The following CACNA1C variants were observed in gnomAD, a reference collection of about 807,000 sequenced individuals.
CACNA1C encodes calcium voltage-gated channel subunit alpha1 C.
In CACNA1C, 30 loss-of-function variants were observed where a neutral mutation model predicts 229.0. That is an observed-to-expected ratio of 0.13 (90% confidence interval 0.10 to 0.18). CACNA1C has a LOEUF of 0.18. Among genes scored for constraint, CACNA1C ranks in the 10% least tolerant of loss-of-function variants. The pLI, the probability that CACNA1C is intolerant of heterozygous loss-of-function variation, is 1.00. For synonymous variants in CACNA1C, 1,114 were observed against 1,132.5 expected (o/e 0.98, Z 0.33); for missense variants, 1,658 against 2,845.0 (o/e 0.58, Z 9.49).
Position 2,585,852 on chromosome 12 carries a change from C to T in CACNA1C, c.2478C>T (p.Leu826=). ...PPATKINMDD[L]QPNENEDKSP... ...CTGTCTAGATCAACATGGATGACCT[C>T]CAGCCCAATGAAAATGAGGATAAGA... Residue 826 remains leucine, a synonymous_variant, in exon 18 of 47, where the codon CTC becomes CTT. Coordinates refer to ENST00000399655, the MANE Select transcript of CACNA1C (RefSeq NM_000719.7). The surrounding 1 kb of genome is among the most constrained non-coding windows in gnomAD (Gnocchi z 4.1). The T allele has an allele frequency of 6.2e-7, 1 of 1,609,202 alleles. No homozygotes were observed. The highest frequency in any genetic ancestry group is 8.5e-7 in the Non-Finnish European group (1 of 1,177,480).
chr12:2,441,803 A>G (rs535721221), intron 3 of CACNA1C, among the ~76,000 whole-genome samples: 3 of 151,986 alleles, frequency 2.0e-5, no homozygotes, highest in Non-Finnish European at 4.4e-5. Context: ...CTCTGTCCAC[A>G]CTCTGTCATA....
intron 1 of CACNA1C, among the ~76,000 whole-genome samples, chr12:2,065,373 GTCTCA>G (rs1256753992): frequency 2.3e-4 from 35 of 152,338 alleles, no homozygotes; most frequent in Admixed American, 4.6e-4. Context: ...AAAATGAACT[GTCTCA>G]TGCCAGTTGT....
chr12:2,056,051 C>T (rs111280980), intron 1 of CACNA1C, among the ~76,000 whole-genome samples: 1 of 152,214 alleles, frequency 6.6e-6, no homozygotes, highest in Non-Finnish European at 1.5e-5. Context: ...GTAATGGTGA[C>T]GAAACAAAGA....
chr12:2,632,603 G>T lies in CACNA1C; in HGVS notation c.3829-1694G>T, dbSNP rs1384746462. 1.3e-5 allele frequency among the ~76,000 whole-genome samples: 2 copies of T among 152,172 alleles called. No individual in the cohort carries two copies. The highest frequency in any genetic ancestry group is 2.9e-5 in the Non-Finnish European group (2 of 68,038). ...ACAAAATCCATAGCTACAGAATCAA[G>T]TGGTAAAGTCAGGATACTGGTCTTC... On this transcript the variant is annotated intron_variant, in intron 29 of 46. Coordinates refer to ENST00000399655, the MANE Select transcript of CACNA1C (RefSeq NM_000719.7). This position sits in a 1 kb window ranked among gnomAD's most constrained non-coding sequence, Gnocchi z 4.1.
chr12:2,512,259 G>A lies in CACNA1C; in HGVS notation c.1218-553G>A, dbSNP rs761946989. 1.2e-4 allele frequency among the ~76,000 whole-genome samples: 18 copies of A among 152,138 alleles called. No individual in the cohort carries two copies. The highest frequency in any genetic ancestry group is 2.0e-4 in the Admixed American group (3 of 15,270). Reference sequence around the variant, plus strand: ...CTGTGGCCGATCTCAAGCTACCAGCGAGACATCCCTGAAGCCAGAGTTGGG... The same window carrying A: ...CTGTGGCCGATCTCAAGCTACCAGCAAGACATCCCTGAAGCCAGAGTTGGG... On this transcript the variant is annotated intron_variant, in intron 8 of 46. Transcript: ENST00000399655. The surrounding 1 kb of genome is among the most constrained non-coding windows in gnomAD (Gnocchi z 4.3).
intron 3 of CACNA1C, among the ~76,000 whole-genome samples, chr12:2,399,773 C>T (rs2098650276): frequency 6.6e-6 from 1 of 152,186 alleles, no homozygotes; most frequent in Non-Finnish European, 1.5e-5. Context: ...GCCAGGGACC[C>T]CACTCTTTTC....
chr12:2,403,752 G>A lies in CACNA1C; in HGVS notation c.478-45224G>A, dbSNP rs1165305307. Among the ~76,000 whole-genome samples the A allele has an allele frequency of 3.3e-5, 5 of 152,062 alleles. No individual in the cohort carries two copies. Among genetic ancestry groups the A allele is most frequent in the African/African-American group, 7.2e-5 (3 of 41,412 alleles). ...ATCTCCCAGTGAGCCCCAGGTAGACGTCTGCCACATCACTCAGGGGCTGCG... is the reference window on the plus strand; with the variant it reads ...ATCTCCCAGTGAGCCCCAGGTAGACATCTGCCACATCACTCAGGGGCTGCG... On this transcript the variant is annotated intron_variant, in intron 3 of 46. Transcript: ENST00000399655. The surrounding 1 kb of genome is among the most constrained non-coding windows in gnomAD (Gnocchi z 4.1).
chr12:2,634,259 C>A, intron 29 of CACNA1C, 38 bp from the exon 30 acceptor site: 3 of 573,672 alleles, frequency 5.2e-6, no homozygotes, highest in Non-Finnish European at 2.3e-6. Context: ...CTTGTTGGTT[C>A]TTCTTCTCTC....
At position 2,517,905 on chromosome 12, in the gene CACNA1C, A is replaced by T. The variant is rs538691447; in HGVS notation, c.1390+4921A>T. 2.6e-5 allele frequency among the ~76,000 whole-genome samples: 4 copies of T among 152,380 alleles called. No homozygotes were observed. The East Asian group carries it at 5.8e-4, about 22-fold the overall frequency. On this transcript the variant is annotated intron_variant, in intron 9 of 46. Transcript: ENST00000399655. ...CTATTAAATATCCATCCTTACAGGA[A>T]TCTCTCTTTCATGTCATTAAGACAA...
At chr12:2,156,907 A>G (rs11062132) in intron 3 of CACNA1C, among the ~76,000 whole-genome samples, 15,535 of 152,238 alleles carry the variant, frequency 0.1, 2,375 homozygotes, top group African/African-American at 0.33. Context: ...GCCCAGTGGC[A>G]GCTGGGAAAG....
In CACNA1C at chr12:2,633,727, G is replaced by A. The variant is rs772937735; in HGVS notation, c.3829-570G>A. 2 of 1,464,650 alleles carry A rather than the reference G, an allele frequency of 1.4e-6. No individual in the cohort carries two copies. The highest frequency in any genetic ancestry group is 2.3e-5 in the East Asian group (1 of 43,938). 90.7% of individuals were successfully genotyped at this position (1,464,650 alleles called of 1,614,324 possible). Reference sequence around the variant, plus strand: ...GTGAGACTAATGTGAGTATTACTCTGCCCTCCCCAGGAAACCTCCTCATTC... The same window carrying A: ...GTGAGACTAATGTGAGTATTACTCTACCCTCCCCAGGAAACCTCCTCATTC... On this transcript the variant is annotated intron_variant, in intron 29 of 46. Transcript: ENST00000399655. The surrounding 1 kb of genome is among the most constrained non-coding windows in gnomAD (Gnocchi z 5.8).
intron 3 of CACNA1C, among the ~76,000 whole-genome samples, chr12:2,276,080 T>G (rs559705670): frequency 0.048 from 7,294 of 151,662 alleles, 213 homozygotes; most frequent in Middle Eastern, 0.068. Context: ...TTTTTAATGA[T>G]TTTTTTTTCC....
intron 29 of CACNA1C, among the ~76,000 whole-genome samples, chr12:2,623,058 C>T (rs2084227963): frequency 6.6e-6 from 1 of 152,162 alleles, no homozygotes; most frequent in Non-Finnish European, 1.5e-5. Context: ...TTGCAGGAGC[C>T]CAGGCCTTCG....
At chr12:2,436,865 C>T (rs2099139753) in intron 3 of CACNA1C, among the ~76,000 whole-genome samples, 1 of 152,196 alleles carries the variant, frequency 6.6e-6, no homozygotes, top group African/African-American at 2.4e-5. Context: ...AACTGCTTCC[C>T]CCAGGACCTC....
chr12:2,562,228 C>A (rs1231095129), intron 11 of CACNA1C, among the ~76,000 whole-genome samples: 1 of 152,106 alleles, frequency 6.6e-6, no homozygotes, highest in Non-Finnish European at 1.5e-5. Context: ...CACACAGCAC[C>A]CATATCCACT....
In CACNA1C at chr12:2,043,356, A is replaced by G. The variant is rs546868821; in HGVS notation, c.140-71868A>G. On this transcript the variant is annotated intron_variant, in intron 1 of 46. Transcript: ENST00000682462. ...TACAAATCTATTTCTTGATCATACT[A>G]TATCCAGAGGGGGCTAGTGAGAGGT... 2.0e-5 allele frequency among the ~76,000 whole-genome samples: 3 copies of G among 152,310 alleles called. No individual in the cohort carries two copies. In the South Asian group the frequency reaches 6.2e-4, roughly 32 times the overall value.
chr12:2,220,097 A>T (rs989042665), intron 3 of CACNA1C, among the ~76,000 whole-genome samples: 2 of 152,218 alleles, frequency 1.3e-5, no homozygotes, highest in Admixed American at 1.3e-4. Context: ...AGGGACCAGC[A>T]TCTGGGCTCC....
intron 3 of CACNA1C, among the ~76,000 whole-genome samples, chr12:2,386,834 G>C (rs2098400510): frequency 6.6e-6 from 1 of 152,180 alleles, no homozygotes; most frequent in African/African-American, 2.4e-5. Flanking sequence ...TTACTGGATG[G>C]ATAAATGAGC....
At chr12:2,434,029 A>G (rs1194864707) in intron 3 of CACNA1C, among the ~76,000 whole-genome samples, 1 of 152,150 alleles carries the variant, frequency 6.6e-6, no homozygotes, top group African/African-American at 2.4e-5. Flanking sequence ...ATGAGGAAAA[A>G]CGCTATGCAT....
Sources: allele counts gnomAD v4.1 joint callset (sites outside exome capture counted in the v4.1 genomes callset), GRCh38; gene constraint gnomAD v4.1.1; non-coding constraint Gnocchi (gnomAD v3.1); transcripts MANE v1.5; gene names NCBI Gene and HGNC (gene_info 2026-07-23, HGNC 2026-07-21).